The following TTL variants were observed in gnomAD, a reference collection of about 807,000 sequenced individuals.
TTL encodes tubulin tyrosine ligase, also known as tubulin--tyrosine ligase.
A neutral mutation model predicts 41.1 loss-of-function variants in TTL; 10 were observed. That is an observed-to-expected ratio of 0.24 (90% confidence interval 0.15 to 0.41). The LOEUF (loss-of-function observed/expected upper bound fraction) is 0.41, where lower values mean the gene tolerates loss of function less well. Among genes scored for constraint, TTL ranks in the 10% least tolerant of loss-of-function variants. TTL has a pLI of 1.00. For missense variants in TTL, 367 were observed against 460.4 expected (o/e 0.80, Z 1.86); for synonymous variants, 175 against 175.5 (o/e 1.00, Z 0.02).
chr2:112,493,571 T>C lies in TTL; in HGVS notation c.237-572T>C, dbSNP rs377344369. On this transcript the variant is annotated intron_variant, in intron 2 of 6. Transcript: ENST00000233336. The stretch of plus-strand genomic sequence containing the variant: ...CCTGACTTTATCTTCTGTGGTGTTA[T>C]GGTATTTGGGGAGCAGGAGGTATAT... 6.0e-4 allele frequency among the ~76,000 whole-genome samples: 92 copies of C among 152,362 alleles called. 1 individual carries two copies. The Middle Eastern group carries it at 0.014, about 23-fold the overall frequency.
chr2:112,496,683 GTGTGT>G (rs1681536638), intron 3 of TTL, among the ~76,000 whole-genome samples: 1 of 140,614 alleles, frequency 7.1e-6, no homozygotes, highest in Admixed American at 7.4e-5. Context: ...GTGTGTGTGT[GTGTGT>G]GTGTGTGTGT....
rs1211655928 is a variant in TTL at position 112,482,311 on chromosome 2, G to T, written c.-34G>T. ...TCTCGGCCGCCTGGTCCCTGCGGCG[G>T]CTGCCCGGCGGCCCGGGCGCGCGGC... On this transcript the variant is annotated 5_prime_UTR_variant, in exon 1 of 7. Coordinates refer to ENST00000233336, the MANE Select transcript of TTL (RefSeq NM_153712.5). The surrounding 1 kb of genome is among the most constrained non-coding windows in gnomAD (Gnocchi z 5.3). The T allele has an allele frequency of 3.5e-6, 5 of 1,443,412 alleles. No individual in the cohort carries two copies. The Admixed American group carries it at 9.2e-5, about 27-fold the overall frequency. 89.4% of individuals were successfully genotyped at this position (1,443,412 alleles called of 1,614,324 possible). A position where few individuals can be genotyped will look rare whatever the true frequency, so the allele number is the denominator to read the frequency against.
At chr2:112,513,571 ATATAAATATTTATACAAG>A (rs1162055976) in intron 5 of TTL, among the ~76,000 whole-genome samples, 80 of 148,366 alleles carry the variant, frequency 5.4e-4, no homozygotes, top group African/African-American at 1.7e-3. Context: ...ACAAATATAC[ATATAAATATTTATACAAG>A]TATAAATATT....
chr2:112,498,470 A>G (rs1681595640), intron 3 of TTL, among the ~76,000 whole-genome samples: 1 of 152,242 alleles, frequency 6.6e-6, no homozygotes, highest in Admixed American at 6.5e-5. Context: ...ACCTAAAGAA[A>G]TGGACAGACA....
In TTL at chr2:112,482,416, C is replaced by G. The variant is rs199819641; in HGVS notation, c.72C>G (p.Thr24=). ...YAEVSRLLLA[T]GHWKRLRRDN... is the part of the protein sequence containing the mutation. ...AGGTCTCCCGGCTGCTCCTCGCCAC[C>G]GGCCACTGGAAGAGGCTGCGGCGAG... The change falls in exon 1 of 7, where the codon ACC becomes ACG. Residue 24 remains threonine, a synonymous_variant. Transcript: ENST00000233336. The surrounding 1 kb of genome is among the most constrained non-coding windows in gnomAD (Gnocchi z 5.3). The G allele has an allele frequency of 3.1e-6, 5 of 1,608,544 alleles. No homozygotes were observed. In the Admixed American group the frequency reaches 8.4e-5, roughly 27 times the overall value.
At position 112,538,321 on chromosome 2, in the gene TTL, A is replaced by C. The variant is rs1347712770; in HGVS notation, c.*9526A>C. ...AACCAGACAAAGATGTCACAAGAAA[A>C]GCAAATAGCAGACCAATAATCTCTT... On this transcript the variant is annotated 3_prime_UTR_variant, in exon 7 of 7. Coordinates refer to ENST00000233336, the MANE Select transcript of TTL (RefSeq NM_153712.5). 1 of 152,262 alleles carries C rather than the reference A, an allele frequency of 6.6e-6. No homozygotes were observed. The highest frequency in any genetic ancestry group is 1.5e-5 in the Non-Finnish European group (1 of 68,052). The allele number at this position is 152,262 out of a possible 1,614,324, so 9.4% of individuals were successfully genotyped here.
Position 112,528,774 on chromosome 2 carries a change from A to G in TTL, c.1113A>G (p.Pro371=), listed in dbSNP as rs762952387. The change falls in exon 7 of 7, where the codon CCA becomes CCG. Residue 371 remains proline (P), a synonymous_variant. Coordinates refer to ENST00000233336, the MANE Select transcript of TTL (RefSeq NM_153712.5). ...ATGTGGAGCAACCTCAGACCCAGCC[A>G]GCTGCCTTCATCAAGCTGTGACAGA... ...PPDVEQPQTQ[P]AAFIKL 3.7e-6 allele frequency: 6 copies of G among 1,614,124 alleles called. No individual in the cohort carries two copies. The highest frequency in any genetic ancestry group is 4.2e-6 in the Non-Finnish European group (5 of 1,180,008).
chr2:112,501,940 C>T (rs1047397133), intron 4 of TTL, among the ~76,000 whole-genome samples: 2 of 152,114 alleles, frequency 1.3e-5, no homozygotes, highest in East Asian at 3.9e-4. Context: ...AATGTATGGT[C>T]TTGCTCATGG....
In TTL at chr2:112,482,773, C is replaced by G. The variant is rs1362697480; in HGVS notation, c.157+272C>G. Reference sequence around the variant, plus strand: ...TGACCGGTCCCTGCAGCCCGGGAGACGCTGGCCGCCGGGGCTGGGACCTGA... The same window carrying G: ...TGACCGGTCCCTGCAGCCCGGGAGAGGCTGGCCGCCGGGGCTGGGACCTGA... On this transcript the variant is annotated intron_variant, in intron 1 of 6. Coordinates refer to ENST00000233336, the MANE Select transcript of TTL (RefSeq NM_153712.5). The surrounding 1 kb of genome is among the most constrained non-coding windows in gnomAD (Gnocchi z 5.3). 4.6e-5 allele frequency among the ~76,000 whole-genome samples: 7 copies of G among 152,340 alleles called. No homozygotes were observed. In the East Asian group the frequency reaches 1.2e-3, roughly 25 times the overall value.
At chr2:112,517,838 G>A (rs906217383) in intron 5 of TTL, among the ~76,000 whole-genome samples, 3 of 151,432 alleles carry the variant, frequency 2.0e-5, no homozygotes, top group African/African-American at 7.3e-5. Flanking sequence ...CAGCTACTTC[G>A]GAAGCCTGAA....
intron 3 of TTL, among the ~76,000 whole-genome samples, chr2:112,498,744 A>G (rs1196151949): frequency 1.3e-5 from 2 of 151,182 alleles, no homozygotes; most frequent in Admixed American, 1.3e-4. Context: ...TTCCTACTAA[A>G]AAATACAAAA....
chr2:112,511,544 T>C (rs1270107956), intron 5 of TTL, among the ~76,000 whole-genome samples: 3 of 151,792 alleles, frequency 2.0e-5, no homozygotes, highest in Non-Finnish European at 4.4e-5. Flanking sequence ...CTTTTATCAT[T>C]ATGTAGTTTT....
At chr2:112,494,523 C>G (rs532539295) in intron 3 of TTL, 148 bp downstream of exon 3, 1 of 649,572 alleles carries the variant, frequency 1.5e-6, no homozygotes, top group Non-Finnish European at 2.7e-6. Context: ...TGTACTGATG[C>G]CTTCTAAATG....
Position 112,512,592 on chromosome 2 carries a change from T to A in TTL, c.876-7690T>A, listed in dbSNP as rs370379544. 2.0e-5 allele frequency among the ~76,000 whole-genome samples: 3 copies of A among 152,002 alleles called. 1 individual carries two copies. Among genetic ancestry groups the A allele is most frequent in the African/African-American group, 2.4e-5 (1 of 41,464 alleles). On this transcript the variant is annotated intron_variant, in intron 5 of 6. Transcript: ENST00000233336. Reference sequence around the variant, plus strand: ...TTGTATTTTTAGTAGAGATGAGGTTTCTCCATGTTGGTCAGGCTGGTCTGG... The same window carrying A: ...TTGTATTTTTAGTAGAGATGAGGTTACTCCATGTTGGTCAGGCTGGTCTGG...
chr2:112,525,317 A>G (rs1282148036), intron 6 of TTL, among the ~76,000 whole-genome samples: 1 of 152,084 alleles, frequency 6.6e-6, no homozygotes, highest in Non-Finnish European at 1.5e-5. Flanking sequence ...GTTTTTTCCA[A>G]TTCTGTGAAG....
intron 5 of TTL, among the ~76,000 whole-genome samples, chr2:112,503,979 A>T (rs1681774102): frequency 1.4e-5 from 1 of 71,388 alleles, no homozygotes; most frequent in Non-Finnish European, 2.7e-5. Flanking sequence ...CGACCCCACC[A>T]CAGTCCCCAG....
At chr2:112,517,290 C>A (rs1195848815) in intron 5 of TTL, among the ~76,000 whole-genome samples, 2 of 152,008 alleles carry the variant, frequency 1.3e-5, no homozygotes, top group Non-Finnish European at 2.9e-5. Flanking sequence ...GTCTGTCACC[C>A]AGGCTGAAGT....
Position 112,482,494 on chromosome 2 carries a change from G to T in TTL, c.150G>T (p.Gly50=). ...MLGERNRLPF[G]RLGHEPGLVQ... ...GAGAGAGGAATCGGCTGCCCTTCGGGAGACTGGGTGAGCCCCTCCCCGATT... is the reference window on the plus strand; with the variant it reads ...GAGAGAGGAATCGGCTGCCCTTCGGTAGACTGGGTGAGCCCCTCCCCGATT... Residue 50 remains glycine (G), a synonymous_variant, in exon 1 of 7, where the codon GGG becomes GGT. Transcript: ENST00000233336. The surrounding 1 kb of genome is among the most constrained non-coding windows in gnomAD (Gnocchi z 5.3). 6.2e-7 allele frequency: 1 copy of T among 1,604,750 alleles called. No individual in the cohort carries two copies. The highest frequency in any genetic ancestry group is 8.5e-7 in the Non-Finnish European group (1 of 1,175,588).
rs556755353 is a variant in TTL, at chr2:112,489,613, T to G, written c.236+3618T>G. On this transcript the variant is annotated intron_variant, in intron 2 of 6. Transcript: ENST00000233336. ...CAATGTCAACAAAGTGTTCCTCAGA[T>G]TTCTTTTAGTTTTTGCAGCCAATTT... Among the ~76,000 whole-genome samples, 4 of 152,356 alleles carry G rather than the reference T, an allele frequency of 2.6e-5. No individual in the cohort carries two copies. In the South Asian group the frequency reaches 8.3e-4, roughly 32 times the overall value.
Sources: allele counts gnomAD v4.1 joint callset (sites outside exome capture counted in the v4.1 genomes callset), GRCh38; gene constraint gnomAD v4.1.1; non-coding constraint Gnocchi (gnomAD v3.1); transcripts MANE v1.5; gene names NCBI Gene and HGNC (gene_info 2026-07-23, HGNC 2026-07-21).